LTF: variants seen among roughly 807,000 people sequenced by gnomAD.
The protein encoded by LTF is lactotransferrin, also known as epididymis luminal protein 110.
LTF carries 91 observed loss-of-function variants against 87.2 expected under a neutral mutation model. That is an observed-to-expected ratio of 1.04 (90% CI 0.88 to 1.24). The LOEUF (loss-of-function observed/expected upper bound fraction) is 1.24, where lower values mean the gene tolerates loss of function less well. Ranked by LOEUF, LTF falls within the 50% of genes most tolerant of loss-of-function variation. The pLI is 0.00. For missense variants in LTF, 901 were observed against 904.3 expected, an observed-to-expected ratio of 1.00 and a Z score of 0.05; for synonymous variants, 378 against 356.1, an observed-to-expected ratio of 1.06 and a Z score of -0.69.
At chr3:46,470,599 A>T (rs995648769) in intron 1 of LTF, 1 of 152,244 alleles carries the variant, frequency 6.6e-6, no homozygotes, top group Non-Finnish European at 1.5e-5. Context: ...CAGGCTAGAG[A>T]TGCCCAGCTC....
chr3:46,467,799 A>T (rs1269929864), upstream of LTF, among the ~76,000 whole-genome samples: 1 of 151,930 alleles, frequency 6.6e-6, no homozygotes, highest in Non-Finnish European at 1.5e-5. Context: ...TACAGGCATA[A>T]ACCATTGCAC....
chr3:46,466,480 G>A (rs1703215995), upstream of LTF, among the ~76,000 whole-genome samples: 1 of 152,200 alleles, frequency 6.6e-6, no homozygotes, highest in Non-Finnish European at 1.5e-5. Flanking sequence ...AGCATGCAGT[G>A]GGCACCTAGC....
chr3:46,449,375 AC>A (rs1328975150), intron 8 of LTF, among the ~76,000 whole-genome samples: 4 of 152,116 alleles, frequency 2.6e-5, no homozygotes, highest in African/African-American at 4.8e-5. Context: ...CTTGAGCCCA[AC>A]CCTGACTTCC....
intron 16 of LTF, among the ~76,000 whole-genome samples, chr3:46,437,127 G>C (rs974968363): frequency 6.6e-6 from 1 of 152,190 alleles, no homozygotes; most frequent in Admixed American, 6.5e-5. Context: ...AGTGCACAGG[G>C]AGCTGTGCAC....
chr3:46,437,834 C>T (rs1179102474), intron 16 of LTF, 106 bp downstream of exon 16: 3 of 816,036 alleles, frequency 3.7e-6, no homozygotes, highest in South Asian at 1.5e-5. Context: ...ATTATCTTTC[C>T]TTAACATTTT....
upstream of LTF, among the ~76,000 whole-genome samples, chr3:46,467,779 G>A (rs1420220961): frequency 6.6e-6 from 1 of 151,452 alleles, no homozygotes; most frequent in African/African-American, 2.4e-5. Context: ...GCCTCCCAAA[G>A]TGCTGGAATT....
At chr3:46,458,282 C>T (rs1375584745) in intron 2 of LTF, among the ~76,000 whole-genome samples, 1 of 152,134 alleles carries the variant, frequency 6.6e-6, no homozygotes, top group African/African-American at 2.4e-5. Flanking sequence ...TACAGTTCTG[C>T]TAGTTAACCT....
intron 11 of LTF, among the ~76,000 whole-genome samples, chr3:46,445,959 C>T (rs758126797): frequency 3.3e-5 from 5 of 152,250 alleles, no homozygotes; most frequent in Non-Finnish European, 5.9e-5. Flanking sequence ...TGAGAGAATG[C>T]ATCTGACAGA....
At chr3:46,467,124 G>A (rs892961134), upstream of LTF, among the ~76,000 whole-genome samples, 36 of 152,228 alleles carry the variant, frequency 2.4e-4, no homozygotes, top group African/African-American at 8.7e-4. Flanking sequence ...CACAGGCAGA[G>A]CAGCCCCTCA....
chr3:46,479,356 G>T (rs1253021701), intron 1 of LTF, among the ~76,000 whole-genome samples: 1 of 152,230 alleles, frequency 6.6e-6, no homozygotes, highest in Non-Finnish European at 1.5e-5. Context: ...GTGGGGCCCT[G>T]TGGGTACCTA....
chr3:46,477,661 G>A (rs530894550), intron 1 of LTF, among the ~76,000 whole-genome samples: 2 of 152,342 alleles, frequency 1.3e-5, no homozygotes, highest in African/African-American at 4.8e-5. Flanking sequence ...ACAGTGCCCA[G>A]CACATAGGGG....
At chr3:46,453,579 G>T (rs1210247402) in intron 6 of LTF, among the ~76,000 whole-genome samples, 1 of 152,118 alleles carries the variant, frequency 6.6e-6, no homozygotes, top group Non-Finnish European at 1.5e-5. Context: ...GTGGGTGTCT[G>T]TCACTTTCTC....
In LTF at chr3:46,436,145, G is replaced by C. The variant is rs1209771410; in HGVS notation, c.*50C>G. 1.3e-6 allele frequency: 2 copies of C among 1,590,992 alleles called. No homozygotes were observed. Among genetic ancestry groups the C allele is most frequent in the South Asian group, 1.1e-5 (1 of 90,582 alleles). On this transcript the variant is annotated 3_prime_UTR_variant, in exon 17 of 17. Coordinates refer to ENST00000231751, the MANE Select transcript of LTF (RefSeq NM_002343.6). ...ACACACCTGGGGAGAAGAGCTGGGG[G>C]CAGTGAATGGCTGAGGCTTTCTTGG...
At chr3:46,444,791 G>A (rs1332533449) in intron 12 of LTF, among the ~76,000 whole-genome samples, 2 of 152,178 alleles carry the variant, frequency 1.3e-5, no homozygotes. Context: ...TGTGGGGTGT[G>A]GTGGGGAGAG....
intron 12 of LTF, among the ~76,000 whole-genome samples, chr3:46,444,736 G>A (rs1702603146): frequency 3.3e-5 from 5 of 152,216 alleles, no homozygotes; most frequent in African/African-American, 7.2e-5. Context: ...ACCATGCCAC[G>A]GGGCCCACAG....
chr3:46,448,767 G>A (rs1014967694), intron 9 of LTF, 96 bp downstream of exon 9: 40 of 1,456,322 alleles, frequency 2.7e-5, no homozygotes, highest in Admixed American at 9.5e-5. Flanking sequence ...CCAGGCCCCC[G>A]TGGCCTCTTT....
intron 16 of LTF, among the ~76,000 whole-genome samples, 186 bp downstream of exon 16, chr3:46,437,754 A>G (rs1057365722): frequency 1.3e-5 from 2 of 152,238 alleles, no homozygotes; most frequent in African/African-American, 4.8e-5. Flanking sequence ...AAAATTTATT[A>G]CATACTGCTC....
chr3:46,448,382 T>A (rs1462242401), intron 9 of LTF, among the ~76,000 whole-genome samples: 1 of 136,136 alleles, frequency 7.3e-6, no homozygotes, highest in Non-Finnish European at 1.6e-5. Context: ...AAAAAAAAAA[T>A]TAATGCTTTC....
chr3:46,464,798 C>T lies in LTF; in HGVS notation c.43+27G>A, dbSNP rs761163817. The T allele has an allele frequency of 1.5e-5, 24 of 1,613,542 alleles. No individual in the cohort carries two copies. In the South Asian group the frequency reaches 2.5e-4, roughly 17 times the overall value. On this transcript the variant is annotated intron_variant, in intron 1 of 16. Coordinates refer to ENST00000231751, the MANE Select transcript of LTF (RefSeq NM_002343.6). ...GGCGCAGGAGACGCCCATCAGGCGG[C>T]TCGCGCCCCCAGGCACCTGCACTCA...
Sources: gnomAD v4.1 joint callset for allele counts (sites outside exome capture counted in the v4.1 genomes callset) on GRCh38, gnomAD v4.1.1 for gene constraint, MANE v1.5 for transcripts, NCBI Gene and HGNC (gene_info 2026-07-23, HGNC 2026-07-21) for gene names.